SLC36A1: variants seen among roughly 807,000 people sequenced by gnomAD.
The protein encoded by SLC36A1 is solute carrier family 36 member 1.
SLC36A1 carries 30 observed loss-of-function variants against 47.5 expected under a neutral mutation model. That is an observed-to-expected ratio of 0.63 (90% CI 0.47 to 0.86). The LOEUF is 0.86. Ranked by LOEUF, SLC36A1 falls within the 40% of genes least tolerant of loss-of-function variation. SLC36A1 has a pLI of 0.00. For missense variants in SLC36A1, 517 were observed against 606.0 expected (o/e 0.85, Z 1.54); for synonymous variants, 255 against 249.7 (o/e 1.02, Z -0.20).
chr5:151,467,993 T>C (rs357621), intron 7 of SLC36A1, 68 bp downstream of exon 7: 540,059 of 1,356,496 alleles, frequency 0.4, 109,061 homozygotes, highest in East Asian at 0.53. Flanking sequence ...TGGTAGCTCA[T>C]GCCTGTAATC....
Position 151,488,506 on chromosome 5 carries a change from T to C in SLC36A1, c.*252T>C, listed in dbSNP as rs1180072967. ...CCTGTACCTATTTACACCCAGAACT[T>C]TCCAGCTCCCCCTCATCATGCCTCC... On this transcript the variant is annotated 3_prime_UTR_variant, in exon 11 of 11. Transcript: ENST00000243389. 3.9e-6 allele frequency: 2 copies of C among 512,956 alleles called. No homozygotes were observed. Among genetic ancestry groups the C allele is most frequent in the Non-Finnish European group, 7.0e-6 (2 of 287,012 alleles). 31.8% of individuals were successfully genotyped at this position (512,956 alleles called of 1,614,324 possible).
chr5:151,548,733 G>A, the SLC36A1 span, among the ~76,000 whole-genome samples: 130 of 152,170 alleles, frequency 8.5e-4, 1 homozygote, highest in South Asian at 1.0e-3. Flanking sequence ...CGCCCGCCTC[G>A]GCCTCCCAAA....
upstream of SLC36A1, among the ~76,000 whole-genome samples, chr5:151,442,999 G>A (rs1752713380): frequency 6.6e-6 from 1 of 152,072 alleles, no homozygotes; most frequent in African/African-American, 2.4e-5. Flanking sequence ...TTAGAAAAAT[G>A]TTTGTATATA....
rs165369 is a variant in SLC36A1 at position 151,489,791 on chromosome 5, G to C, written c.*1537G>C. ...CCTCTTTAGCTGTGTATTTGTGCACGTGTGTGTGTACGTGCGTGTGTGTGT... is the reference window on the plus strand; with the variant it reads ...CCTCTTTAGCTGTGTATTTGTGCACCTGTGTGTGTACGTGCGTGTGTGTGT... On this transcript the variant is annotated 3_prime_UTR_variant, in exon 11 of 11. Coordinates refer to ENST00000243389, the MANE Select transcript of SLC36A1 (RefSeq NM_078483.4). This position sits in a 1 kb window ranked among gnomAD's most constrained non-coding sequence, Gnocchi z 4.5. 2 of 152,040 alleles carry C rather than the reference G, an allele frequency of 1.3e-5. No individual in the cohort carries two copies. Among genetic ancestry groups the C allele is most frequent in the African/African-American group, 2.4e-5 (1 of 41,388 alleles). 9.4% of individuals were successfully genotyped at this position (152,040 alleles called of 1,614,324 possible). A position where few individuals can be genotyped will look rare whatever the true frequency, so the allele number is the denominator to read the frequency against.
At chr5:151,505,579 C>G in the SLC36A1 span, 1 of 1,614,138 alleles carries the variant, frequency 6.2e-7, no homozygotes, top group Non-Finnish European at 8.5e-7. Flanking sequence ...AACATGACCT[C>G]CTCACAGCTG....
Position 151,472,460 on chromosome 5 carries a change from C to G in SLC36A1, c.724-1213C>G, listed in dbSNP as rs555644287. On this transcript the variant is annotated intron_variant, in intron 7 of 10. Transcript: ENST00000243389. ...CACACGCAGGAACAATACTTTGCCT[C>G]CTTCAGTGCAATCAAGTTGACACTC... Among the ~76,000 whole-genome samples the G allele has an allele frequency of 6.6e-5, 10 of 152,356 alleles. 1 individual carries two copies. In the South Asian group the frequency reaches 2.1e-3, roughly 32 times the overall value.
At chr5:151,542,855 C>T in the SLC36A1 span, 26 of 1,614,040 alleles carry the variant, frequency 1.6e-5, no homozygotes, top group Non-Finnish European at 2.2e-5. Flanking sequence ...TTGGTGGATT[C>T]GTGGTCCATG....
Position 151,489,064 on chromosome 5 carries a change from C to G in SLC36A1, c.*810C>G, listed in dbSNP as rs980631785. 8 of 152,264 alleles carry G rather than the reference C, an allele frequency of 5.3e-5. No individual in the cohort carries two copies. The highest frequency in any genetic ancestry group is 3.4e-3 in the Middle Eastern group (1 of 294). 9.4% of individuals were successfully genotyped at this position (152,264 alleles called of 1,614,324 possible). On this transcript the variant is annotated 3_prime_UTR_variant, in exon 11 of 11. Transcript: ENST00000243389. The surrounding 1 kb of genome is among the most constrained non-coding windows in gnomAD (Gnocchi z 4.5). ...CAACTTCTCCTGCTGAAAAGAAGCT[C>G]GCTCCAGATGTCTGCATGGGTCCTC...
chr5:151,406,977 G>A, the SLC36A1 span, among the ~76,000 whole-genome samples: 2 of 152,182 alleles, frequency 1.3e-5, no homozygotes, highest in Admixed American at 1.3e-4. Flanking sequence ...GCTGACTTCA[G>A]GAGTGAAGCT....
In SLC36A1 at chr5:151,458,954, C is replaced by T. The variant is rs570864032; in HGVS notation, c.143+19C>T. Reference sequence around the variant, plus strand: ...GCACAACGTGAGTAGCTGTTACCTTCTCCTCTCCTGGGTGGGATTCGTGTT... The same window carrying T: ...GCACAACGTGAGTAGCTGTTACCTTTTCCTCTCCTGGGTGGGATTCGTGTT... On this transcript the variant is annotated intron_variant, in intron 2 of 10. Coordinates refer to ENST00000243389, the MANE Select transcript of SLC36A1 (RefSeq NM_078483.4). 10 of 1,595,104 alleles carry T rather than the reference C, an allele frequency of 6.3e-6. No homozygotes were observed. The Admixed American group carries it at 1.2e-4, about 19-fold the overall frequency.
At chr5:151,536,578 G>A in the SLC36A1 span, among the ~76,000 whole-genome samples, 1 of 152,142 alleles carries the variant, frequency 6.6e-6, no homozygotes, top group Non-Finnish European at 1.5e-5. Context: ...CACTCCACCA[G>A]ACTCTCACAG....
chr5:151,356,587 C>G, the SLC36A1 span, among the ~76,000 whole-genome samples: 1 of 152,072 alleles, frequency 6.6e-6, no homozygotes, highest in Non-Finnish European at 1.5e-5. Context: ...GGCACTGGCT[C>G]TCCTCCTGAA....
At chr5:151,400,800 G>C in the SLC36A1 span, among the ~76,000 whole-genome samples, 1 of 151,916 alleles carries the variant, frequency 6.6e-6, no homozygotes, top group Admixed American at 6.6e-5. Flanking sequence ...TTCATGTTTG[G>C]TGGCCACTTG....
the SLC36A1 span, chr5:151,540,624 C>A: frequency 6.2e-7 from 1 of 1,614,116 alleles, no homozygotes; most frequent in Middle Eastern, 1.7e-4. Context: ...CCACAGTGAC[C>A]GAAGCCTGGA....
At chr5:151,505,239 G>C in the SLC36A1 span, 1 of 426,540 alleles carries the variant, frequency 2.3e-6, no homozygotes. Context: ...GCTCTGCCCC[G>C]GGGACTGAGA....
chr5:151,437,084 T>G (rs1296462523), upstream of SLC36A1: 1 of 152,190 alleles, frequency 6.6e-6, no homozygotes, highest in Non-Finnish European at 1.5e-5. Context: ...CTGGAACTAT[T>G]CCTTTCAATG....
At chr5:151,452,571 T>C (rs1309688316) in intron 1 of SLC36A1, 4 of 152,212 alleles carry the variant, frequency 2.6e-5, no homozygotes, top group Non-Finnish European at 5.9e-5. Flanking sequence ...ATAATCAAGA[T>C]TACCTAGGAA....
At chr5:151,539,425 A>G in the SLC36A1 span, among the ~76,000 whole-genome samples, 917 of 152,268 alleles carry the variant, frequency 6.0e-3, 11 homozygotes, top group African/African-American at 0.021. Flanking sequence ...TTTGTTACGT[A>G]TAGTTGCATG....
intron 7 of SLC36A1, among the ~76,000 whole-genome samples, chr5:151,472,860 A>G: frequency 6.6e-6 from 1 of 152,098 alleles, no homozygotes; most frequent in East Asian, 1.9e-4. Context: ...AGTTATCTCA[A>G]TTTTTACTTT....
Sources: allele counts gnomAD v4.1 joint callset (sites outside exome capture counted in the v4.1 genomes callset), GRCh38; gene constraint gnomAD v4.1.1; non-coding constraint Gnocchi (gnomAD v3.1); transcripts MANE v1.5; gene names NCBI Gene and HGNC (gene_info 2026-07-23, HGNC 2026-07-21).